The following FRMD4A variants were observed in gnomAD, a reference collection of about 807,000 sequenced individuals.
The protein encoded by FRMD4A is FERM domain-containing protein 4A.
FRMD4A carries 29 observed loss-of-function variants against 129.1 expected under a neutral mutation model. The observed-to-expected ratio is 0.22, with a 90% CI of 0.17 to 0.31. The LOEUF is 0.31. Among genes scored for constraint, FRMD4A ranks in the 10% least tolerant of loss-of-function variants. FRMD4A has a pLI of 1.00. For missense variants in FRMD4A, 1,272 were observed against 1,375.8 expected (o/e 0.92, Z 1.19); for synonymous variants, 634 against 571.6 (o/e 1.11, Z -1.56).
At chr10:14,194,497 G>A (rs1054236137) in intron 2 of FRMD4A, among the ~76,000 whole-genome samples, 56 of 152,322 alleles carry the variant, frequency 3.7e-4, no homozygotes, top group African/African-American at 1.3e-3. Flanking sequence ...TATAGTCCCA[G>A]CTACTCGGGA....
At chr10:13,780,952 G>A (rs1490694388) in intron 6 of FRMD4A, among the ~76,000 whole-genome samples, 1 of 131,780 alleles carries the variant, frequency 7.6e-6, no homozygotes, top group African/African-American at 2.9e-5. Context: ...GCCTTTTGAT[G>A]TATGAATGGA....
chr10:13,906,372 G>T (rs1379285996), intron 2 of FRMD4A, among the ~76,000 whole-genome samples: 1 of 152,158 alleles, frequency 6.6e-6, no homozygotes. Flanking sequence ...CCTGAGGTTT[G>T]AACCACCAAC....
At chr10:14,287,068 G>A (rs140119267) in intron 2 of FRMD4A, among the ~76,000 whole-genome samples, 19 of 152,284 alleles carry the variant, frequency 1.2e-4, no homozygotes, top group Non-Finnish European at 1.9e-4. Flanking sequence ...AGCAGGCAAA[G>A]TCTATCTTCT....
At chr10:14,317,532 A>C (rs1846786130) in intron 2 of FRMD4A, among the ~76,000 whole-genome samples, 2 of 152,132 alleles carry the variant, frequency 1.3e-5, no homozygotes, top group African/African-American at 4.8e-5. Context: ...GGCCTTTCCA[A>C]CTAAACTCTA....
chr10:13,917,739 T>G (rs772940164), intron 2 of FRMD4A, among the ~76,000 whole-genome samples: 71 of 152,118 alleles, frequency 4.7e-4, no homozygotes, highest in Non-Finnish European at 5.7e-4. Flanking sequence ...CATTCCCCAG[T>G]TGGCAGGGCT....
At chr10:14,272,388 C>CAGGTCA (rs1845191862) in intron 2 of FRMD4A, among the ~76,000 whole-genome samples, 4 of 152,240 alleles carry the variant, frequency 2.6e-5, no homozygotes, top group African/African-American at 9.6e-5. Context: ...GGGGTGAGGG[C>CAGGTCA]TATATGTCTC....
intron 12 of FRMD4A, among the ~76,000 whole-genome samples, chr10:13,730,136 C>T (rs1017446562): frequency 2.0e-5 from 3 of 152,122 alleles, no homozygotes; most frequent in Non-Finnish European, 4.4e-5. Flanking sequence ...CAGTTACTGA[C>T]GCTGCAAACA....
intron 2 of FRMD4A, among the ~76,000 whole-genome samples, chr10:13,892,368 C>T (rs1464168987): frequency 6.6e-6 from 1 of 152,022 alleles, no homozygotes. Flanking sequence ...GCAGGATAAC[C>T]GAGGCATGTG....
intron 2 of FRMD4A, among the ~76,000 whole-genome samples, chr10:13,927,617 A>G (rs2095148491): frequency 6.6e-6 from 1 of 152,262 alleles, no homozygotes. Flanking sequence ...GATCAGAACG[A>G]GAGTCTAGTT....
intron 2 of FRMD4A, among the ~76,000 whole-genome samples, chr10:14,144,531 T>C (rs903408216): frequency 2.0e-5 from 3 of 152,148 alleles, no homozygotes; most frequent in Admixed American, 2.0e-4. Context: ...CTGATGAGTT[T>C]CTGCTTGAAA....
intron 2 of FRMD4A, among the ~76,000 whole-genome samples, chr10:14,093,111 G>T (rs1216501799): frequency 3.9e-5 from 6 of 152,176 alleles, no homozygotes; most frequent in Non-Finnish European, 2.9e-5. Context: ...AGGTACAGAG[G>T]CCGTGGAATG....
intron 2 of FRMD4A, among the ~76,000 whole-genome samples, chr10:13,949,455 G>A (rs1160198955): frequency 6.6e-6 from 1 of 152,168 alleles, no homozygotes; most frequent in African/African-American, 2.4e-5. Flanking sequence ...TTCAAGTTGA[G>A]TTTTCTTTTA....
chr10:14,242,640 C>T (rs939912290), intron 2 of FRMD4A, among the ~76,000 whole-genome samples: 1 of 152,156 alleles, frequency 6.6e-6, no homozygotes, highest in East Asian at 1.9e-4. Context: ...GATAAGGAGG[C>T]AATAAATGCC....
At chr10:13,693,685 CTTTTT>C (rs200663128) in intron 15 of FRMD4A, 51 of 602,876 alleles carry the variant, frequency 8.5e-5, no homozygotes, top group East Asian at 1.7e-4. Flanking sequence ...TCTACTGATG[CTTTTT>C]TTTTTTTTTT....
intron 2 of FRMD4A, among the ~76,000 whole-genome samples, chr10:14,169,876 G>A (rs1292764985): frequency 3.3e-5 from 5 of 152,132 alleles, no homozygotes; most frequent in African/African-American, 1.2e-4. Flanking sequence ...TAATTGTCAA[G>A]CCTTCCACAG....
chr10:13,880,403 C>T (rs556487034), intron 2 of FRMD4A, among the ~76,000 whole-genome samples: 25 of 152,278 alleles, frequency 1.6e-4, no homozygotes, highest in African/African-American at 4.6e-4. Context: ...TTTTCATCAC[C>T]GTCATCATCA....
chr10:13,918,448 C>T (rs868377441), intron 2 of FRMD4A, among the ~76,000 whole-genome samples: 1 of 148,224 alleles, frequency 6.7e-6, no homozygotes, highest in Non-Finnish European at 1.5e-5. Flanking sequence ...TTTATTTATT[C>T]ATTCCCTTAA....
intron 15 of FRMD4A, among the ~76,000 whole-genome samples, chr10:13,687,945 C>T (rs924699065): frequency 6.6e-6 from 1 of 152,138 alleles, no homozygotes; most frequent in Admixed American, 6.6e-5. Context: ...CCTCTAAGGG[C>T]CTCCACTTAA....
chr10:14,286,933 T>C (rs1845698883), intron 2 of FRMD4A, among the ~76,000 whole-genome samples: 1 of 151,690 alleles, frequency 6.6e-6, no homozygotes, highest in Non-Finnish European at 1.5e-5. Flanking sequence ...AGAAGTGAAA[T>C]GGCAATGGTC....
Sources: allele counts gnomAD v4.1 joint callset (sites outside exome capture counted in the v4.1 genomes callset), GRCh38; gene constraint gnomAD v4.1.1; transcripts MANE v1.5; gene names NCBI Gene and HGNC (gene_info 2026-07-23, HGNC 2026-07-21).